Variants in WNT7B observed in about 807,000 individuals in gnomAD.
The protein encoded by WNT7B is Wnt family member 7B, also known as protein Wnt-7b.
WNT7B carries 19 observed loss-of-function variants against 38.2 expected under a neutral mutation model. The observed-to-expected ratio is 0.50, with a 90% CI of 0.35 to 0.73. The LOEUF (loss-of-function observed/expected upper bound fraction) is 0.73. Ranked by LOEUF, WNT7B falls within the 30% of genes least tolerant of loss-of-function variation. The pLI is 0.01. For synonymous variants in WNT7B, 243 were observed against 209.3 expected (o/e 1.16, Z -1.39); for missense variants, 423 against 507.9 (o/e 0.83, Z 1.61).
intron 1 of WNT7B, among the ~76,000 whole-genome samples, chr22:45,971,306 G>A (rs1932432780): frequency 6.6e-6 from 1 of 152,196 alleles, no homozygotes. Flanking sequence ...GTAGCATCCA[G>A]CTTAAATTCC....
intron 3 of WNT7B, among the ~76,000 whole-genome samples, chr22:45,929,282 G>A (rs911808955): frequency 6.6e-6 from 1 of 152,300 alleles, no homozygotes; most frequent in South Asian, 2.1e-4. Context: ...TGATCTGCCT[G>A]TACCTGGAGA....
intron 1 of WNT7B, among the ~76,000 whole-genome samples, chr22:45,961,304 A>C (rs1277705399): frequency 6.6e-6 from 1 of 152,100 alleles, no homozygotes; most frequent in Non-Finnish European, 1.5e-5. Flanking sequence ...TCTGAGTCTC[A>C]GTTTTCCCAT....
chr22:45,923,540 G>A (rs1366770289), intron 3 of WNT7B, among the ~76,000 whole-genome samples: 2 of 152,230 alleles, frequency 1.3e-5, no homozygotes, highest in Non-Finnish European at 2.9e-5. Context: ...CTGCATAGGA[G>A]GTTGTGAGGG....
rs1312728345 is a variant in WNT7B, at chr22:45,925,967, C to G, written c.571-2632G>C. On this transcript the variant is annotated intron_variant, in intron 3 of 3. Transcript: ENST00000339464. ...CCTGGTACTGTGCCCTGTATCCCTC[C>G]CCCTCCTCCCTCCCCTGTCCCTGTC... 5.1e-6 allele frequency: 5 copies of G among 985,054 alleles called. No homozygotes were observed. The African/African-American group carries it at 8.7e-5, about 17-fold the overall frequency. 61.0% of individuals were successfully genotyped at this position (985,054 alleles called of 1,614,324 possible). A position where few individuals can be genotyped will look rare whatever the true frequency, so the allele number is the denominator to read the frequency against.
At chr22:45,930,185 G>C (rs1168224165) in intron 3 of WNT7B, among the ~76,000 whole-genome samples, 1 of 152,226 alleles carries the variant, frequency 6.6e-6, no homozygotes, top group Admixed American at 6.5e-5. Flanking sequence ...TGTGGACCCA[G>C]TTCCCACAGC....
chr22:45,964,535 C>G (rs1212768388), intron 1 of WNT7B, among the ~76,000 whole-genome samples: 1 of 152,120 alleles, frequency 6.6e-6, no homozygotes, highest in Non-Finnish European at 1.5e-5. Context: ...CTGGAAATTC[C>G]CAACACTTCC....
chr22:45,930,228 G>A (rs571139181), intron 3 of WNT7B, among the ~76,000 whole-genome samples: 1 of 152,366 alleles, frequency 6.6e-6, no homozygotes, highest in Admixed American at 6.5e-5. Flanking sequence ...CCCGTGCCCA[G>A]CCTAGCACCT....
Position 45,966,633 on chromosome 22 carries a change from ACT to A in WNT7B, c.71+10049_71+10050del, listed in dbSNP as rs1932318428. 6.6e-6 allele frequency among the ~76,000 whole-genome samples: 1 copy of A among 151,986 alleles called. No individual in the cohort carries two copies. Among genetic ancestry groups the A allele is most frequent in the Admixed American group, 6.6e-5 (1 of 15,260 alleles). On this transcript the variant is annotated intron_variant, in intron 1 of 3. Transcript: ENST00000339464. This position sits in a 1 kb window ranked among gnomAD's most constrained non-coding sequence, Gnocchi z 4.2. ...AGCTCCAGGCACCTGCAGGCTTCAC[ACT>A]CTAAAGCTGCAAAGGCTGCTTGGGG...
At chr22:45,954,824 C>T (rs1932023138) in intron 1 of WNT7B, 1 of 910,314 alleles carries the variant, frequency 1.1e-6, no homozygotes, top group South Asian at 5.1e-5. Context: ...CCGTTGGGAC[C>T]TCAGACCTCA....
intron 1 of WNT7B, among the ~76,000 whole-genome samples, chr22:45,950,777 A>C (rs1020665114): frequency 1.3e-5 from 2 of 152,272 alleles, no homozygotes; most frequent in Non-Finnish European, 2.9e-5. Context: ...CCAAAGGCTC[A>C]GACGACCACA....
At chr22:45,963,556 G>A (rs943450583) in intron 1 of WNT7B, among the ~76,000 whole-genome samples, 2 of 152,170 alleles carry the variant, frequency 1.3e-5, no homozygotes, top group African/African-American at 4.8e-5. Context: ...GCGGCTTAGA[G>A]AGGAGCAGCA....
At chr22:45,931,047 G>T in intron 3 of WNT7B, 51 bp downstream of exon 3, 1 of 1,516,202 alleles carries the variant, frequency 6.6e-7, no homozygotes, top group Non-Finnish European at 8.8e-7. Context: ...AGGTCAGCGG[G>T]TGATACAGCG....
At chr22:45,929,249 G>C (rs1298173896) in intron 3 of WNT7B, among the ~76,000 whole-genome samples, 1 of 152,188 alleles carries the variant, frequency 6.6e-6, no homozygotes, top group Non-Finnish European at 1.5e-5. Flanking sequence ...AAGGTTCGTA[G>C]GCCTCCTTTA....
chr22:45,956,780 A>G (rs1044206359), intron 1 of WNT7B, among the ~76,000 whole-genome samples: 21 of 152,250 alleles, frequency 1.4e-4, no homozygotes, highest in African/African-American at 4.8e-4. Flanking sequence ...GTGTGAAAGA[A>G]GCCAGGAAAG....
At chr22:45,968,437 C>T (rs1159397101) in intron 1 of WNT7B, among the ~76,000 whole-genome samples, 2 of 152,210 alleles carry the variant, frequency 1.3e-5, no homozygotes, top group African/African-American at 4.8e-5. Context: ...GAGGGAAGAG[C>T]TGGGCCTTGG....
At chr22:45,952,645 T>C (rs2146735327) in intron 1 of WNT7B, among the ~76,000 whole-genome samples, 1 of 152,354 alleles carries the variant, frequency 6.6e-6, no homozygotes, top group South Asian at 2.1e-4. Flanking sequence ...CCCAGCAGGC[T>C]CAGGGCCGAG....
At chr22:45,942,581 C>G (rs1057484728) in intron 2 of WNT7B, among the ~76,000 whole-genome samples, 1 of 152,260 alleles carries the variant, frequency 6.6e-6, no homozygotes, top group Non-Finnish European at 1.5e-5. Context: ...CAATCCTGAC[C>G]TGGACCAGCC....
chr22:45,927,223 A>T, intron 3 of WNT7B: 8 of 985,422 alleles, frequency 8.1e-6, no homozygotes, highest in Non-Finnish European at 9.6e-6. Context: ...CTGGGCACTC[A>T]GGTCTCCAAA....
intron 3 of WNT7B, chr22:45,927,307 CAGGG>C (rs1332318078): frequency 1.4e-5 from 14 of 985,310 alleles, no homozygotes; most frequent in Non-Finnish European, 1.1e-5. Context: ...CCCCGCCCCC[CAGGG>C]AGCTTGGGGA....
Sources: gnomAD v4.1 joint callset for allele counts (sites outside exome capture counted in the v4.1 genomes callset) on GRCh38, gnomAD v4.1.1 for gene constraint, Gnocchi (gnomAD v3.1) non-coding constraint, MANE v1.5 for transcripts, NCBI Gene and HGNC (gene_info 2026-07-23, HGNC 2026-07-21) for gene names.